RAP1GAP2: variants seen among roughly 807,000 people sequenced by gnomAD.
RAP1GAP2 encodes rap1 GTPase-activating protein 2.
Under a neutral mutation model 95.0 loss-of-function variants are expected in RAP1GAP2, and 27 were observed. That is an observed-to-expected ratio of 0.28 (90% CI 0.21 to 0.39). The LOEUF is 0.39. Among genes scored for constraint, RAP1GAP2 ranks in the 10% least tolerant of loss-of-function variants. The probability of loss-of-function intolerance (pLI) is 1.00; values close to 1 mark genes in which losing one functional copy is unlikely to be tolerated. For synonymous variants in RAP1GAP2, 373 were observed against 380.9 expected (o/e 0.98, Z 0.24); for missense variants, 771 against 970.0 (o/e 0.79, Z 2.72).
At chr17:2,790,177 A>C (rs2068888439) in intron 1 of RAP1GAP2, among the ~76,000 whole-genome samples, 1 of 151,068 alleles carries the variant, frequency 6.6e-6, no homozygotes, top group Non-Finnish European at 1.5e-5. Flanking sequence ...CAGCGGCATG[A>C]TCTCAGCTCA....
In RAP1GAP2 at chr17:2,768,727, T is replaced by C. The variant is rs188860630; in HGVS notation, c.51-1602T>C. Among the ~76,000 whole-genome samples, 113 of 145,728 alleles carry C rather than the reference T, an allele frequency of 7.8e-4. 3 individuals carry two copies. In the East Asian group the frequency reaches 0.02, roughly 26 times the overall value. On this transcript the variant is annotated intron_variant, in intron 1 of 25. Transcript: ENST00000637138. ...AAAAAAAAAGAGTTGAATTAATGAATAGATTCATGGTTCTTCCAGGAGGGG... is the reference window on the plus strand; with the variant it reads ...AAAAAAAAAGAGTTGAATTAATGAACAGATTCATGGTTCTTCCAGGAGGGG...
chr17:2,831,593 A>G (rs1186531126), intron 2 of RAP1GAP2, among the ~76,000 whole-genome samples: 1 of 151,776 alleles, frequency 6.6e-6, no homozygotes, highest in Non-Finnish European at 1.5e-5. Flanking sequence ...CGTAAGTAAT[A>G]TAAGAATACA....
intron 2 of RAP1GAP2, among the ~76,000 whole-genome samples, chr17:2,873,305 C>CAAAAAAAAA (rs377575894): frequency 4.2e-5 from 4 of 95,558 alleles, no homozygotes; most frequent in Non-Finnish European, 6.2e-5. Flanking sequence ...ACCAAAAATA[C>CAAAAAAAAA]AAAAAAAAAA....
At chr17:2,991,484 G>A in intron 12 of RAP1GAP2, 87 bp downstream of exon 12, 1 of 1,034,350 alleles carries the variant, frequency 9.7e-7, no homozygotes, top group Non-Finnish European at 1.4e-6. Flanking sequence ...GGGAGCACGT[G>A]TGAGTTAAAA....
At position 2,883,191 on chromosome 17, in the gene RAP1GAP2, G is replaced by T. The variant is rs933822687; in HGVS notation, c.81-22093G>T. Among the ~76,000 whole-genome samples, 3 of 152,360 alleles carry T rather than the reference G, an allele frequency of 2.0e-5. No homozygotes were observed. The South Asian group carries it at 6.2e-4, about 32-fold the overall frequency. On this transcript the variant is annotated intron_variant, in intron 2 of 24. Coordinates refer to ENST00000254695, the MANE Select transcript of RAP1GAP2 (RefSeq NM_015085.5). ...TGGTGCTGGGGAGCTGGAGAGGATGGTCTTTTGGGAGGGGCGCATTTGAGG... is the reference window on the plus strand; with the variant it reads ...TGGTGCTGGGGAGCTGGAGAGGATGTTCTTTTGGGAGGGGCGCATTTGAGG...
intron 3 of RAP1GAP2, among the ~76,000 whole-genome samples, chr17:2,932,680 G>A (rs908391568): frequency 6.6e-6 from 1 of 150,782 alleles, no homozygotes; most frequent in Admixed American, 6.6e-5. Flanking sequence ...GCCAGGAGTG[G>A]TGGCGGGCGC....
intron 12 of RAP1GAP2, among the ~76,000 whole-genome samples, chr17:2,993,423 AT>A (rs1213470579): frequency 6.7e-6 from 1 of 150,224 alleles, no homozygotes; most frequent in Non-Finnish European, 1.5e-5. Flanking sequence ...AATACGAAAA[AT>A]TAGCCGGGCG....
chr17:2,912,048 A>G (rs934669833), intron 3 of RAP1GAP2, among the ~76,000 whole-genome samples: 10 of 152,090 alleles, frequency 6.6e-5, no homozygotes, highest in African/African-American at 2.4e-4. Flanking sequence ...TGGAGTTCCC[A>G]CTGCAGGGAC....
At chr17:2,955,710 AT>A (rs1198610739) in intron 3 of RAP1GAP2, among the ~76,000 whole-genome samples, 3 of 151,776 alleles carry the variant, frequency 2.0e-5, no homozygotes, top group Non-Finnish European at 4.4e-5. Context: ...TGATCTTTTT[AT>A]TTGTTATATG....
Position 3,005,256 on chromosome 17 carries a change from T to G in RAP1GAP2, c.1201-113T>G. The stretch of plus-strand genomic sequence containing the variant: ...TGCTCACAGGAGTATTTTGTTTGTG[T>G]TCTGGGAAGAGGAGGAGGGAGAAGG... On this transcript the variant is annotated intron_variant, in intron 14 of 24. Coordinates refer to ENST00000254695, the MANE Select transcript of RAP1GAP2 (RefSeq NM_015085.5). This position sits in a 1 kb window ranked among gnomAD's most constrained non-coding sequence, Gnocchi z 5.2. 9.3e-7 allele frequency: 1 copy of G among 1,070,900 alleles called. No homozygotes were observed. Among genetic ancestry groups the G allele is most frequent in the Non-Finnish European group, 1.5e-6 (1 of 687,374 alleles). The allele number at this position is 1,070,900 out of a possible 1,614,324, so 66.3% of individuals were successfully genotyped here. A position where few individuals can be genotyped will look rare whatever the true frequency, so the allele number is the denominator to read the frequency against.
chr17:2,923,244 C>T (rs756307530), intron 3 of RAP1GAP2, among the ~76,000 whole-genome samples: 5 of 151,688 alleles, frequency 3.3e-5, no homozygotes, highest in Admixed American at 6.6e-5. Context: ...TTCACCATGT[C>T]GGCCAGGCTG....
At position 3,018,070 on chromosome 17, in the gene RAP1GAP2, C is replaced by A; in HGVS notation, c.1504C>A (p.Arg502Ser). 2 of 1,586,526 alleles carry A rather than the reference C, an allele frequency of 1.3e-6. No homozygotes were observed. The highest frequency in any genetic ancestry group is 1.8e-5 in the Admixed American group (1 of 56,104). Residue 502 changes from arginine (R) to serine (S), a missense_variant, in exon 18 of 25, where the codon CGC (arginine) becomes AGC (serine). Physicochemically the swap from Arg to Ser is moderately radical, Grantham distance 110 (BLOSUM62 -1). Transcript: ENST00000254695. ...TGTTCTCTCCCCGTAGAGGGCCATC[C>A]GCGTACGCAGCCACTCCATGGAGAC... ...GFLESFKRAIRVRSHSMETMV... is the reference protein window; with the variant it reads ...GFLESFKRAISVRSHSMETMV...
At position 2,817,709 on chromosome 17, in the gene RAP1GAP2, C is replaced by T. The variant is rs1484439166; in HGVS notation, c.80+17159C>T. 6.8e-5 allele frequency among the ~76,000 whole-genome samples: 8 copies of T among 117,816 alleles called. 2 individuals are homozygous for T. Among genetic ancestry groups the T allele is most frequent in the African/African-American group, 1.7e-4 (6 of 35,502 alleles). 77.3% of individuals were successfully genotyped at this position (117,816 alleles called of 152,430 possible). On this transcript the variant is annotated intron_variant, in intron 2 of 24. Coordinates refer to ENST00000254695, the MANE Select transcript of RAP1GAP2 (RefSeq NM_015085.5). ...CTAAATTTTGTATTTTTAGTAGAGA[C>T]GGGGTTTCACCATGTTGGCTAGGCT...
intron 2 of RAP1GAP2, among the ~76,000 whole-genome samples, chr17:2,806,376 T>TTTTTTATTATTATTATTATTATTA (rs150744972): frequency 7.1e-5 from 10 of 139,942 alleles, no homozygotes; most frequent in Non-Finnish European, 1.1e-4. Context: ...CTACAACCTT[T>TTTTTTATTATTATTATTATTATTA]TTATTATTAT....
chr17:2,978,141 A>G (rs1403775923), intron 8 of RAP1GAP2, among the ~76,000 whole-genome samples: 1 of 152,140 alleles, frequency 6.6e-6, no homozygotes, highest in African/African-American at 2.4e-5. Flanking sequence ...CTTCTTCACA[A>G]TTTCACACAT....
At chr17:2,973,138 A>G (rs1486083006) in intron 8 of RAP1GAP2, among the ~76,000 whole-genome samples, 1 of 152,126 alleles carries the variant, frequency 6.6e-6, no homozygotes, top group Admixed American at 6.5e-5. Context: ...TGTACCAGTG[A>G]TGTTTAGGAG....
intron 8 of RAP1GAP2, among the ~76,000 whole-genome samples, chr17:2,970,289 A>AT (rs1567839753): frequency 0.012 from 1,706 of 147,934 alleles, 29 homozygotes; most frequent in African/African-American, 0.041. Flanking sequence ...AAAAAAAAAA[A>AT]AAAAAAATAA....
At chr17:2,954,872 G>A (rs948154899) in intron 3 of RAP1GAP2, among the ~76,000 whole-genome samples, 1 of 152,154 alleles carries the variant, frequency 6.6e-6, no homozygotes, top group Non-Finnish European at 1.5e-5. Context: ...GATTACAGGT[G>A]TGAGCCACCG....
rs554455402 is a variant in RAP1GAP2 at position 2,783,613 on chromosome 17, G to C, written c.-14+6335G>C. ...CTTGGTTCAAATTCTGGTCCTGCCA[G>C]TGTTCTGGTTATCTAATGCTGCTTA... On this transcript the variant is annotated intron_variant, in intron 1 of 24. Coordinates refer to the RAP1GAP2 transcript ENST00000540393. Among the ~76,000 whole-genome samples, 22 of 152,352 alleles carry C rather than the reference G, an allele frequency of 1.4e-4. No homozygotes were observed. In the South Asian group the frequency reaches 4.6e-3, roughly 32 times the overall value.
Sources: gnomAD v4.1 joint callset for allele counts (sites outside exome capture counted in the v4.1 genomes callset) on GRCh38, gnomAD v4.1.1 for gene constraint, Gnocchi (gnomAD v3.1) non-coding constraint, MANE v1.5 for transcripts, NCBI Gene and HGNC (gene_info 2026-07-23, HGNC 2026-07-21) for gene names.